The following PTPN4 variants were observed in gnomAD, a reference collection of about 807,000 sequenced individuals.
The protein encoded by PTPN4 is tyrosine-protein phosphatase non-receptor type 4.
Under a neutral mutation model 135.5 loss-of-function variants are expected in PTPN4, and 49 were observed. The ratio of observed to expected loss-of-function variants is 0.36; its 90% CI spans 0.29 to 0.46. The LOEUF is 0.46. PTPN4 is among the 20% of genes least tolerant of loss of function. The pLI is 1.00. For synonymous variants in PTPN4, 333 were observed against 369.9 expected (o/e 0.90, Z 1.14); for missense variants, 860 against 1,101.0 (o/e 0.78, Z 3.10).
intron 26 of PTPN4, among the ~76,000 whole-genome samples, chr2:119,974,959 A>G (rs1679591803): frequency 6.6e-6 from 1 of 152,216 alleles, no homozygotes; most frequent in Non-Finnish European, 1.5e-5. Context: ...CAAATACTCC[A>G]CATTACACAA....
intron 22 of PTPN4, among the ~76,000 whole-genome samples, chr2:119,958,003 G>A (rs1345964614): frequency 6.6e-6 from 1 of 151,930 alleles, no homozygotes; most frequent in African/African-American, 2.4e-5. Context: ...ATTTGACAAG[G>A]TAAAATTTGT....
At position 119,760,062 on chromosome 2, in the gene PTPN4, C is replaced by G; in HGVS notation, c.-340C>G. 1 of 383,914 alleles carries G rather than the reference C, an allele frequency of 2.6e-6. No individual in the cohort carries two copies. Among genetic ancestry groups the G allele is most frequent in the African/African-American group, 2.1e-5 (1 of 48,116 alleles). 23.8% of individuals were successfully genotyped at this position (383,914 alleles called of 1,614,324 possible). A position where few individuals can be genotyped will look rare whatever the true frequency, so the allele number is the denominator to read the frequency against. On this transcript the variant is annotated 5_prime_UTR_variant, in exon 1 of 27. Transcript: ENST00000263708. ...GAGAGGAAAGAGACTTGGCTTTGGCCGCGGGGTCGGAGGATTGGGGCCAGG... is the reference window on the plus strand; with the variant it reads ...GAGAGGAAAGAGACTTGGCTTTGGCGGCGGGGTCGGAGGATTGGGGCCAGG...
In PTPN4 at chr2:119,849,847, T is replaced by C. The variant is rs532480583; in HGVS notation, c.139-12689T>C. Among the ~76,000 whole-genome samples the C allele has an allele frequency of 4.4e-3, 664 of 152,356 alleles. 6 individuals carry two copies. Among genetic ancestry groups the C allele is most frequent in the Non-Finnish European group, 5.5e-3 (372 of 68,022 alleles). ...AGGTTAACTACCTCTGTCAGTTTCA[T>C]ATGCAGCTGTTAAGCTTCAATAATT... On this transcript the variant is annotated intron_variant, in intron 2 of 26. Transcript: ENST00000263708.
chr2:119,959,429 T>G (rs1394617146), intron 22 of PTPN4, among the ~76,000 whole-genome samples: 1 of 152,250 alleles, frequency 6.6e-6, no homozygotes, highest in Non-Finnish European at 1.5e-5. Context: ...ACATCCTTTA[T>G]GTGAAACCTT....
chr2:119,877,256 T>C (rs1283732319), intron 3 of PTPN4, 67 bp from the exon 4 acceptor site: 1 of 1,528,550 alleles, frequency 6.5e-7, no homozygotes, highest in Admixed American at 2.1e-5. Flanking sequence ...ATGGAACAGA[T>C]TTGCAAGAAT....
intron 22 of PTPN4, among the ~76,000 whole-genome samples, chr2:119,958,492 C>T (rs1574421589): frequency 6.6e-6 from 1 of 152,164 alleles, no homozygotes; most frequent in African/African-American, 2.4e-5. Context: ...TACGCAGTTT[C>T]AAGAGCTATC....
intron 2 of PTPN4, among the ~76,000 whole-genome samples, chr2:119,842,274 G>T (rs916161865): frequency 2.0e-5 from 3 of 152,116 alleles, no homozygotes; most frequent in African/African-American, 7.2e-5. Flanking sequence ...AATAACAGAG[G>T]CTCAATAAAA....
chr2:119,960,694 A>C (rs1333471415), intron 22 of PTPN4, 113 bp from the exon 23 acceptor site: 1 of 888,304 alleles, frequency 1.1e-6, no homozygotes, highest in African/African-American at 1.7e-5. Flanking sequence ...TACTGACGGC[A>C]GTTTATTGAG....
At chr2:119,817,885 C>T (rs1403788474) in intron 2 of PTPN4, among the ~76,000 whole-genome samples, 1 of 151,964 alleles carries the variant, frequency 6.6e-6, no homozygotes, top group Admixed American at 6.6e-5. Flanking sequence ...TTTAACTTGC[C>T]TAGTTGTGTT....
rs1015995425 is a variant in PTPN4 at position 119,935,204 on chromosome 2, A to G, written c.1355+246A>G. On this transcript the variant is annotated intron_variant, in intron 15 of 26. Coordinates refer to ENST00000263708, the MANE Select transcript of PTPN4 (RefSeq NM_002830.4). Reference sequence around the variant, plus strand: ...CTTCAGTTTTTAGTATATAAACTCAAATATTTCTGCAGATGATGTAGCACT... The same window carrying G: ...CTTCAGTTTTTAGTATATAAACTCAGATATTTCTGCAGATGATGTAGCACT... 23 of 431,430 alleles carry G rather than the reference A, an allele frequency of 5.3e-5. No homozygotes were observed. The South Asian group carries it at 7.9e-4, about 15-fold the overall frequency. 26.7% of individuals were successfully genotyped at this position (431,430 alleles called of 1,614,324 possible). A position where few individuals can be genotyped will look rare whatever the true frequency, so the allele number is the denominator to read the frequency against.
At chr2:119,960,690 C>G in intron 22 of PTPN4, 117 bp from the exon 23 acceptor site, 1 of 839,930 alleles carries the variant, frequency 1.2e-6, no homozygotes, top group African/African-American at 1.8e-5. Flanking sequence ...GTTTTACTGA[C>G]GGCAGTTTAT....
intron 3 of PTPN4, among the ~76,000 whole-genome samples, chr2:119,869,024 C>A (rs1677872057): frequency 2.0e-5 from 3 of 152,146 alleles, no homozygotes; most frequent in Non-Finnish European, 4.4e-5. Flanking sequence ...AAACATGTCT[C>A]ATAAAGCCTT....
intron 13 of PTPN4, 130 bp from the exon 14 acceptor site, chr2:119,932,294 A>AT (rs1349130697): frequency 1.1e-6 from 1 of 932,696 alleles, no homozygotes; most frequent in Non-Finnish European, 1.5e-6. Context: ...AAATGCATTA[A>AT]TTTTTTACAA....
intron 1 of PTPN4, among the ~76,000 whole-genome samples, chr2:119,781,827 A>T (rs945765553): frequency 1.3e-5 from 2 of 152,172 alleles, no homozygotes; most frequent in Admixed American, 6.5e-5. Flanking sequence ...TATACCAGAG[A>T]TCTTAATGGC....
chr2:119,871,225 A>G (rs1677904941), intron 3 of PTPN4, among the ~76,000 whole-genome samples: 1 of 150,312 alleles, frequency 6.7e-6, no homozygotes, highest in South Asian at 2.2e-4. Context: ...AAGGCTCGGG[A>G]AATGTGCATT....
Position 119,760,148 on chromosome 2 carries a change from A to T in PTPN4, c.-254A>T. On this transcript the variant is annotated 5_prime_UTR_variant, in exon 1 of 27. Coordinates refer to ENST00000263708, the MANE Select transcript of PTPN4 (RefSeq NM_002830.4). ...TCTCATCCCTGCAGGGAGGTAGGAG[A>T]GGTCGCCGGCTGCCCGCCTCCCTGC... 2.5e-6 allele frequency: 1 copy of T among 392,518 alleles called. No homozygotes were observed. Among genetic ancestry groups the T allele is most frequent in the Middle Eastern group, 6.4e-4 (1 of 1,560 alleles). 24.3% of individuals were successfully genotyped at this position (392,518 alleles called of 1,614,324 possible). A position where few individuals can be genotyped will look rare whatever the true frequency, so the allele number is the denominator to read the frequency against.
intron 1 of PTPN4, among the ~76,000 whole-genome samples, chr2:119,809,489 C>G (rs1016364099): frequency 6.6e-6 from 1 of 151,834 alleles, no homozygotes; most frequent in Non-Finnish European, 1.5e-5. Flanking sequence ...ATACTTGCAT[C>G]AATGAGTAAT....
intron 2 of PTPN4, among the ~76,000 whole-genome samples, chr2:119,835,600 T>G (rs1677279200): frequency 6.6e-6 from 1 of 152,228 alleles, no homozygotes; most frequent in African/African-American, 2.4e-5. Context: ...TCTATAAGGA[T>G]CTGAAGGATT....
intron 1 of PTPN4, among the ~76,000 whole-genome samples, chr2:119,786,356 T>C (rs1466675011): frequency 6.6e-6 from 1 of 152,228 alleles, no homozygotes; most frequent in East Asian, 1.9e-4. Context: ...TACTGCTGTG[T>C]AACCATCCCA....
Sources: gnomAD v4.1 joint callset for allele counts (sites outside exome capture counted in the v4.1 genomes callset) on GRCh38, gnomAD v4.1.1 for gene constraint, MANE v1.5 for transcripts, NCBI Gene and HGNC (gene_info 2026-07-23, HGNC 2026-07-21) for gene names.